LRP1B: variants seen among roughly 807,000 people sequenced by gnomAD.
LRP1B encodes the protein low-density lipoprotein receptor-related protein 1B.
LRP1B carries 217 observed loss-of-function variants against 556.6 expected under a neutral mutation model. That is an observed-to-expected ratio of 0.39 (90% CI 0.35 to 0.44). LRP1B has a LOEUF of 0.44. Among genes scored for constraint, LRP1B ranks in the 20% least tolerant of loss-of-function variants. The pLI is 1.00. For synonymous variants in LRP1B, 2,047 were observed against 1,865.8 expected, an observed-to-expected ratio of 1.10 and a Z score of -2.50; for missense variants, 5,053 against 5,620.8, an observed-to-expected ratio of 0.90 and a Z score of 3.23.
intron 2 of LRP1B, among the ~76,000 whole-genome samples, chr2:141,711,116 A>G (rs138451200): frequency 2.0e-4 from 30 of 152,044 alleles, no homozygotes; most frequent in African/African-American, 3.1e-4. Context: ...CCCTAATTTT[A>G]CTTTCTCTTA....
At chr2:140,866,307 T>C (rs1265672046) in intron 27 of LRP1B, among the ~76,000 whole-genome samples, 2 of 152,126 alleles carry the variant, frequency 1.3e-5, no homozygotes, top group Admixed American at 6.6e-5. Flanking sequence ...TTTTTCATTA[T>C]ACTAGTGGCA....
chr2:140,285,290 T>C (rs937819283), intron 84 of LRP1B, among the ~76,000 whole-genome samples: 5 of 62,436 alleles, frequency 8.0e-5, no homozygotes, highest in Non-Finnish European at 2.3e-4. Flanking sequence ...TAGCAAGATA[T>C]ATATAGATAG....
chr2:141,230,669 C>T (rs1363051303), intron 5 of LRP1B, among the ~76,000 whole-genome samples: 1 of 152,216 alleles, frequency 6.6e-6, no homozygotes, highest in Non-Finnish European at 1.5e-5. Context: ...CACTGCACTT[C>T]TTACTGTTCC....
At chr2:141,122,349 T>A (rs1701076474) in intron 7 of LRP1B, among the ~76,000 whole-genome samples, 1 of 150,346 alleles carries the variant, frequency 6.7e-6, no homozygotes, top group Non-Finnish European at 1.5e-5. Context: ...TGCAATCTAC[T>A]CATCTGACAA....
chr2:140,636,516 T>C (rs909186480), intron 41 of LRP1B, among the ~76,000 whole-genome samples: 7 of 152,158 alleles, frequency 4.6e-5, no homozygotes, highest in African/African-American at 1.7e-4. Context: ...TTTCTATCTA[T>C]AAGTCATGGT....
At chr2:141,432,217 T>C (rs1344138099) in intron 3 of LRP1B, among the ~76,000 whole-genome samples, 1 of 152,146 alleles carries the variant, frequency 6.6e-6, no homozygotes, top group Non-Finnish European at 1.5e-5. Flanking sequence ...GAAATTATCA[T>C]ATTTTACCCT....
At chr2:141,313,100 T>A (rs928082307) in intron 3 of LRP1B, among the ~76,000 whole-genome samples, 23 of 151,700 alleles carry the variant, frequency 1.5e-4, no homozygotes, top group African/African-American at 5.3e-4. Context: ...CACAGTAGAG[T>A]TTAATCATTA....
intron 3 of LRP1B, among the ~76,000 whole-genome samples, chr2:141,301,113 T>C (rs1247166760): frequency 6.6e-6 from 1 of 152,146 alleles, no homozygotes; most frequent in Admixed American, 6.6e-5. Flanking sequence ...TATGGAGTTT[T>C]ACATGACTTG....
At chr2:140,281,795 G>A (rs1682922844) in intron 84 of LRP1B, among the ~76,000 whole-genome samples, 1 of 151,750 alleles carries the variant, frequency 6.6e-6, no homozygotes, top group African/African-American at 2.4e-5. Context: ...CAGTTTCCGT[G>A]CAATTTATAT....
chr2:140,709,468 A>G (rs1050225222), intron 37 of LRP1B, among the ~76,000 whole-genome samples: 8 of 148,586 alleles, frequency 5.4e-5, no homozygotes, highest in Admixed American at 2.0e-4. Context: ...AAGAAGAAGA[A>G]GAGGAAGAGG....
At chr2:140,368,875 C>T (rs900966496) in intron 71 of LRP1B, among the ~76,000 whole-genome samples, 3 of 151,732 alleles carry the variant, frequency 2.0e-5, no homozygotes, top group African/African-American at 7.3e-5. Flanking sequence ...CCTTAAGGTA[C>T]ATTCATATGG....
intron 6 of LRP1B, among the ~76,000 whole-genome samples, chr2:141,195,791 T>C (rs959729030): frequency 2.0e-5 from 3 of 152,078 alleles, no homozygotes; most frequent in African/African-American, 7.2e-5. Flanking sequence ...CCTGGATCCC[T>C]TGCATTGTCC....
chr2:140,418,238 A>AT (rs1274193273), intron 66 of LRP1B, among the ~76,000 whole-genome samples: 1 of 152,180 alleles, frequency 6.6e-6, no homozygotes, highest in East Asian at 1.9e-4. Context: ...CATCGCAGAG[A>AT]TTTTGAAAGA....
chr2:141,484,461 C>T (rs1285634815), intron 2 of LRP1B, among the ~76,000 whole-genome samples: 3 of 151,714 alleles, frequency 2.0e-5, no homozygotes, highest in Admixed American at 2.0e-4. Flanking sequence ...TTTTTGGTTC[C>T]ATATGAACTT....
chr2:141,320,299 G>C (rs1687189106), intron 3 of LRP1B, among the ~76,000 whole-genome samples: 1 of 151,882 alleles, frequency 6.6e-6, no homozygotes, highest in Admixed American at 6.6e-5. Flanking sequence ...TTTTCTCCTA[G>C]AATCCTTTTT....
At chr2:140,453,383 C>T (rs1454488290) in intron 62 of LRP1B, among the ~76,000 whole-genome samples, 1 of 151,934 alleles carries the variant, frequency 6.6e-6, no homozygotes, top group African/African-American at 2.4e-5. Flanking sequence ...GTCTTAGCTT[C>T]ATTTTTACCC....
chr2:140,457,758 A>G, intron 60 of LRP1B, 107 bp from the exon 61 acceptor site: 2 of 888,446 alleles, frequency 2.3e-6, no homozygotes, highest in Non-Finnish European at 3.5e-6. Context: ...ACTTCGTGTG[A>G]ATAATTGCTG....
intron 3 of LRP1B, among the ~76,000 whole-genome samples, chr2:141,289,158 G>A (rs1410591452): frequency 6.6e-6 from 1 of 151,962 alleles, no homozygotes; most frequent in Non-Finnish European, 1.5e-5. Context: ...GCTGAGGCGG[G>A]TGGATCACGA....
chr2:141,352,115 A>G (rs112547860), intron 3 of LRP1B, among the ~76,000 whole-genome samples: 1 of 151,960 alleles, frequency 6.6e-6, no homozygotes, highest in Admixed American at 6.6e-5. Flanking sequence ...CTTTAGTAAG[A>G]TTAGTTTGGA....
Sources: allele counts gnomAD v4.1 joint callset (sites outside exome capture counted in the v4.1 genomes callset), GRCh38; gene constraint gnomAD v4.1.1; transcripts MANE v1.5; gene names NCBI Gene and HGNC (gene_info 2026-07-23, HGNC 2026-07-21).